ST3GAL1: variants seen among roughly 807,000 people sequenced by gnomAD.
ST3GAL1 encodes the protein ST3 beta-galactoside alpha-2,3-sialyltransferase 1.
Under a neutral mutation model 34.1 loss-of-function variants are expected in ST3GAL1, and 16 were observed. That is an observed-to-expected ratio of 0.47 (90% CI 0.32 to 0.71). The LOEUF is 0.71. ST3GAL1 is among the 30% of genes least tolerant of loss of function. The probability of loss-of-function intolerance (pLI) is 0.04; values close to 1 mark genes in which losing one functional copy is unlikely to be tolerated. For missense variants in ST3GAL1, 353 were observed against 447.4 expected, an observed-to-expected ratio of 0.79 and a Z score of 1.90; for synonymous variants, 191 against 184.7, an observed-to-expected ratio of 1.03 and a Z score of -0.28.
chr8:133,480,396 C>A (rs762081563), intron 3 of ST3GAL1, among the ~76,000 whole-genome samples: 1 of 152,166 alleles, frequency 6.6e-6, no homozygotes, highest in African/African-American at 2.4e-5. Flanking sequence ...AGGAACCACA[C>A]GGGGTTTTGA....
intron 1 of ST3GAL1, among the ~76,000 whole-genome samples, chr8:133,568,869 C>G (rs1406724650): frequency 1.3e-5 from 2 of 152,164 alleles, no homozygotes; most frequent in Non-Finnish European, 2.9e-5. Context: ...CCTAGAAGGA[C>G]TCCTTCCTGT....
intron 5 of ST3GAL1, among the ~76,000 whole-genome samples, chr8:133,472,189 T>A (rs1815995139): frequency 2.0e-5 from 3 of 151,938 alleles, no homozygotes; most frequent in Admixed American, 2.0e-4. Flanking sequence ...TCAACTCAAC[T>A]CAACTCAACT....
At chr8:133,503,478 C>T (rs1406969602) in intron 2 of ST3GAL1, among the ~76,000 whole-genome samples, 1 of 152,044 alleles carries the variant, frequency 6.6e-6, no homozygotes, top group South Asian at 2.1e-4. Flanking sequence ...CCCATCTCCG[C>T]CACCCCTCCT....
intron 2 of ST3GAL1, among the ~76,000 whole-genome samples, chr8:133,507,701 C>T (rs1817387114): frequency 6.6e-6 from 1 of 152,182 alleles, no homozygotes; most frequent in African/African-American, 2.4e-5. Context: ...GCATGGAGGG[C>T]AGGGGATGGT....
chr8:133,546,247 C>T (rs1291904758), intron 1 of ST3GAL1, among the ~76,000 whole-genome samples: 2 of 152,154 alleles, frequency 1.3e-5, no homozygotes, highest in East Asian at 3.9e-4. Context: ...CTTTGGGAGA[C>T]CAAGGCAGGC....
At chr8:133,482,198 A>T (rs1816419988) in intron 3 of ST3GAL1, among the ~76,000 whole-genome samples, 1 of 151,922 alleles carries the variant, frequency 6.6e-6, no homozygotes, top group African/African-American at 2.4e-5. Flanking sequence ...TGGCTGCTTT[A>T]GTTGTTCTCT....
chr8:133,561,388 T>C (rs1209294037), intron 1 of ST3GAL1, among the ~76,000 whole-genome samples: 1 of 152,058 alleles, frequency 6.6e-6, no homozygotes, highest in South Asian at 2.1e-4. Context: ...CACACATACC[T>C]GGGTCTCACC....
intron 3 of ST3GAL1, among the ~76,000 whole-genome samples, chr8:133,480,202 C>T (rs1337845691): frequency 6.6e-6 from 1 of 152,218 alleles, no homozygotes; most frequent in Non-Finnish European, 1.5e-5. Context: ...CACCTGCACA[C>T]AACAGAGCTT....
chr8:133,457,846 G>T lies in ST3GAL1; in HGVS notation c.*1918C>A, dbSNP rs528735131. 1.1e-4 allele frequency: 16 copies of T among 152,240 alleles called. No homozygotes were observed. The highest frequency in any genetic ancestry group is 3.9e-4 in the African/African-American group (16 of 41,460). 9.4% of individuals were successfully genotyped at this position (152,240 alleles called of 1,614,324 possible). On this transcript the variant is annotated 3_prime_UTR_variant, in exon 10 of 10. Transcript: ENST00000522652. ...GTGCAGAGGGGGCTCCCCCGAGCCT[G>T]GGAGCACAGGCCCCATGCCTCCGTC... is the stretch of plus-strand genomic sequence containing the variant.
rs1815669428 is a variant in ST3GAL1 at position 133,464,861 on chromosome 8, A to T, written c.600T>A (p.Asp200Glu). ...VYPESFRELG[D>E]NVSMILVPFK... ...AGGGCACCAGGATCATGCTGACATT[A>T]TCTCCCAGCTCCCGGAAGCTCTCAG... Residue 200 changes from aspartate to glutamate, a missense_variant, in exon 7 of 10, where the codon GAT (aspartate) becomes GAA (glutamate). Physicochemically the swap from Asp to Glu is conservative, Grantham distance 45. Transcript: ENST00000522652. 2.5e-6 allele frequency: 4 copies of T among 1,614,026 alleles called. No homozygotes were observed. The highest frequency in any genetic ancestry group is 3.4e-6 in the Non-Finnish European group (4 of 1,179,972).
chr8:133,502,253 G>T (rs1046130296), intron 2 of ST3GAL1, among the ~76,000 whole-genome samples: 10 of 152,062 alleles, frequency 6.6e-5, no homozygotes, highest in African/African-American at 2.4e-4. Context: ...CAAGAGCCCT[G>T]CAGAATTGGC....
In ST3GAL1 at chr8:133,571,094, C is replaced by G. The variant is rs1586679446; in HGVS notation, c.-582+599G>C. 6.6e-6 allele frequency among the ~76,000 whole-genome samples: 1 copy of G among 152,204 alleles called. No homozygotes were observed. The highest frequency in any genetic ancestry group is 1.9e-4 in the East Asian group (1 of 5,178). On this transcript the variant is annotated intron_variant, in intron 1 of 9. Coordinates refer to ENST00000522652, the MANE Select transcript of ST3GAL1 (RefSeq NM_173344.3). The surrounding 1 kb of genome is among the most constrained non-coding windows in gnomAD (Gnocchi z 6.7). ...CGCGCTCTGACGGCGTCCCCGGGGC[C>G]GATAGCCACCTCCCGGATCTGCGCC... is the stretch of plus-strand genomic sequence containing the variant.
At chr8:133,490,014 G>T (rs542521059) in intron 3 of ST3GAL1, among the ~76,000 whole-genome samples, 45 of 152,276 alleles carry the variant, frequency 3.0e-4, no homozygotes, top group Middle Eastern at 3.4e-3. Context: ...GTGCATGCCT[G>T]ACCCATCCAT....
At chr8:133,499,036 G>A (rs931949942) in intron 3 of ST3GAL1, 99 bp downstream of exon 3, 5 of 152,320 alleles carry the variant, frequency 3.3e-5, no homozygotes, top group South Asian at 4.1e-4. Flanking sequence ...AAACAAAGTC[G>A]CAGGTCTCCC....
chr8:133,483,545 G>T (rs905200339), intron 3 of ST3GAL1, among the ~76,000 whole-genome samples: 4 of 152,154 alleles, frequency 2.6e-5, no homozygotes, highest in African/African-American at 9.7e-5. Context: ...TACTCGCAGG[G>T]TTATTTAAAA....
chr8:133,514,344 A>G (rs143291905), intron 2 of ST3GAL1, among the ~76,000 whole-genome samples: 10 of 152,294 alleles, frequency 6.6e-5, no homozygotes, highest in Admixed American at 2.6e-4. Flanking sequence ...CTTTAGGATC[A>G]CTGCAGGAGC....
intron 1 of ST3GAL1, among the ~76,000 whole-genome samples, chr8:133,557,127 A>G (rs1284822350): frequency 6.6e-6 from 1 of 152,182 alleles, no homozygotes; most frequent in African/African-American, 2.4e-5. Context: ...TTAGACAGTG[A>G]ATGGGCCTAG....
intron 7 of ST3GAL1, among the ~76,000 whole-genome samples, chr8:133,464,254 C>G (rs1185952380): frequency 6.6e-6 from 1 of 152,096 alleles, no homozygotes; most frequent in Non-Finnish European, 1.5e-5. Flanking sequence ...TAATATGTGC[C>G]GAGTGCCACG....
At chr8:133,495,069 C>T (rs1303656011) in intron 3 of ST3GAL1, among the ~76,000 whole-genome samples, 1 of 151,986 alleles carries the variant, frequency 6.6e-6, no homozygotes, top group Non-Finnish European at 1.5e-5. Flanking sequence ...CAGGTGTGTG[C>T]CACCACGCCC....
Sources: gnomAD v4.1 joint callset for allele counts (sites outside exome capture counted in the v4.1 genomes callset) on GRCh38, gnomAD v4.1.1 for gene constraint, Gnocchi (gnomAD v3.1) non-coding constraint, MANE v1.5 for transcripts, NCBI Gene and HGNC (gene_info 2026-07-23, HGNC 2026-07-21) for gene names.